The following PLCL1 variants were observed in gnomAD, a reference collection of about 807,000 sequenced individuals.
The protein encoded by PLCL1 is phospholipase C like 1 (inactive), also known as inactive phospholipase C-like protein 1.
In PLCL1, 41 loss-of-function variants were observed where a neutral mutation model predicts 84.4. The observed-to-expected ratio is 0.49, with a 90% CI of 0.38 to 0.63. PLCL1 has a LOEUF of 0.63. PLCL1 is among the 30% of genes least tolerant of loss of function. The pLI is 0.00. For synonymous variants in PLCL1, 490 were observed against 488.3 expected (o/e 1.00, Z -0.05); for missense variants, 1,206 against 1,367.8 (o/e 0.88, Z 1.87).
rs1692828027 is a variant in PLCL1 at position 198,085,008 on chromosome 2, G to A, written c.1491G>A (p.Leu497=). 1.9e-6 allele frequency: 3 copies of A among 1,613,988 alleles called. No homozygotes were observed. The African/African-American group carries it at 4.0e-5, about 22-fold the overall frequency. Residue 497 remains leucine (L), a synonymous_variant, in exon 2 of 6, where the codon TTG becomes TTA. Coordinates refer to ENST00000428675, the MANE Select transcript of PLCL1 (RefSeq NM_006226.4). The surrounding 1 kb of genome is among the most constrained non-coding windows in gnomAD (Gnocchi z 5.3). The stretch of plus-strand genomic sequence containing the variant: ...TTTGCTTGGGAAATCACTGCTCCTT[G>A]CCGCAGCAGAAGGTAATGGCTCAAC... The part of the protein sequence containing the change: ...LILCLGNHCS[L]PQQKVMAQQM...
chr2:197,976,973 C>A (rs569600724), intron 1 of PLCL1, among the ~76,000 whole-genome samples: 1 of 152,282 alleles, frequency 6.6e-6, no homozygotes, highest in South Asian at 2.1e-4. Flanking sequence ...GCCTCACCTG[C>A]CTCTCTACTC....
At chr2:198,046,395 T>C (rs1046258064) in intron 1 of PLCL1, among the ~76,000 whole-genome samples, 1 of 152,328 alleles carries the variant, frequency 6.6e-6, no homozygotes, top group East Asian at 1.9e-4. Flanking sequence ...CCTGGCCGAA[T>C]AGGAACAGCT....
At chr2:197,964,963 C>T (rs1247720726) in intron 1 of PLCL1, among the ~76,000 whole-genome samples, 2 of 151,806 alleles carry the variant, frequency 1.3e-5, no homozygotes, top group Non-Finnish European at 2.9e-5. Flanking sequence ...TTTTAATATG[C>T]TATTGAATCT....
rs114928950 is a variant in PLCL1, at chr2:197,969,318, T to A, written c.241-114440T>A. Among the ~76,000 whole-genome samples the A allele has an allele frequency of 2.9e-3, 445 of 152,248 alleles. 2 individuals are homozygous for A. Among genetic ancestry groups the A allele is most frequent in the Non-Finnish European group, 4.3e-3 (295 of 68,004 alleles). The stretch of plus-strand genomic sequence containing the variant: ...GTTGTAGTGTACATTTTTTATAGGG[T>A]GTGCATAGTGGCAATATGTCCTCTA... On this transcript the variant is annotated intron_variant, in intron 1 of 5. Transcript: ENST00000428675.
At chr2:198,107,286 C>T (rs999052483) in intron 5 of PLCL1, among the ~76,000 whole-genome samples, 9 of 151,808 alleles carry the variant, frequency 5.9e-5, no homozygotes, top group African/African-American at 2.2e-4. Flanking sequence ...TTACCTCCCA[C>T]CAGGTCCCTC....
chr2:197,939,114 G>A (rs964419312), intron 1 of PLCL1, among the ~76,000 whole-genome samples: 5 of 152,108 alleles, frequency 3.3e-5, no homozygotes, highest in Non-Finnish European at 5.9e-5. Flanking sequence ...CTGGGATGAA[G>A]CAATGTTCTC....
intron 1 of PLCL1, among the ~76,000 whole-genome samples, chr2:197,949,010 C>T (rs1302261255): frequency 6.6e-6 from 1 of 152,128 alleles, no homozygotes; most frequent in African/African-American, 2.4e-5. Context: ...TGGGATCTGC[C>T]TTCACAGAAA....
chr2:198,033,922 T>TGG (rs1342145644), intron 1 of PLCL1, among the ~76,000 whole-genome samples: 3 of 151,872 alleles, frequency 2.0e-5, no homozygotes, highest in African/African-American at 7.3e-5. Flanking sequence ...TTTCTGTGTG[T>TGG]GTGTGTCTGT....
chr2:198,014,382 G>C (rs1394035695), intron 1 of PLCL1, among the ~76,000 whole-genome samples: 1 of 151,990 alleles, frequency 6.6e-6, no homozygotes, highest in Non-Finnish European at 1.5e-5. Flanking sequence ...TGTGAGCTTG[G>C]TCAAGTTATT....
intron 1 of PLCL1, among the ~76,000 whole-genome samples, chr2:197,945,556 T>C (rs896286552): frequency 7.9e-5 from 12 of 152,130 alleles, no homozygotes; most frequent in Non-Finnish European, 1.8e-4. Flanking sequence ...GATAACATAG[T>C]GGTGAAGGCA....
intron 5 of PLCL1, among the ~76,000 whole-genome samples, chr2:198,124,178 C>T (rs539096070): frequency 6.6e-6 from 1 of 152,232 alleles, no homozygotes; most frequent in African/African-American, 2.4e-5. Flanking sequence ...CCCTTGGCCA[C>T]ATGACTTGTT....
intron 1 of PLCL1, among the ~76,000 whole-genome samples, chr2:197,933,924 A>G (rs1478684745): frequency 6.6e-6 from 1 of 152,162 alleles, no homozygotes; most frequent in African/African-American, 2.4e-5. Flanking sequence ...GCTTAAAATA[A>G]ACTTCCTGAA....
intron 1 of PLCL1, among the ~76,000 whole-genome samples, chr2:197,858,555 A>G (rs764737788): frequency 4.6e-5 from 7 of 151,926 alleles, no homozygotes; most frequent in Non-Finnish European, 8.8e-5. Flanking sequence ...TCCTATTTTT[A>G]TATTATGTGT....
intron 1 of PLCL1, among the ~76,000 whole-genome samples, chr2:197,958,806 C>T (rs2105787756): frequency 6.6e-6 from 1 of 152,052 alleles, no homozygotes; most frequent in East Asian, 1.9e-4. Flanking sequence ...CTCTCAAGCA[C>T]AGGAGCTATG....
At chr2:197,930,021 G>T (rs2105764327) in intron 1 of PLCL1, among the ~76,000 whole-genome samples, 1 of 152,300 alleles carries the variant, frequency 6.6e-6, no homozygotes, top group Non-Finnish European at 1.5e-5. Flanking sequence ...CCCATGGGGT[G>T]AATCTGCATG....
chr2:197,974,646 G>A (rs1341109787), intron 1 of PLCL1, among the ~76,000 whole-genome samples: 1 of 152,222 alleles, frequency 6.6e-6, no homozygotes, highest in Non-Finnish European at 1.5e-5. Flanking sequence ...TTGCACCACA[G>A]GGCTGCTGAA....
intron 1 of PLCL1, among the ~76,000 whole-genome samples, chr2:197,902,356 C>T (rs528720351): frequency 1.4e-4 from 22 of 152,172 alleles, no homozygotes; most frequent in Non-Finnish European, 2.6e-4. Context: ...GAGTGGTTTC[C>T]GGTCATTCAT....
intron 5 of PLCL1, among the ~76,000 whole-genome samples, chr2:198,108,452 A>G (rs978123229): frequency 1.3e-5 from 2 of 151,896 alleles, no homozygotes; most frequent in Non-Finnish European, 2.9e-5. Flanking sequence ...AGCTGGAAAA[A>G]AATGAGAAAT....
chr2:198,144,552 T>G (rs1694470444), intron 5 of PLCL1, among the ~76,000 whole-genome samples: 1 of 152,194 alleles, frequency 6.6e-6, no homozygotes, highest in Non-Finnish European at 1.5e-5. Flanking sequence ...ATTCCTATAC[T>G]TATGATCATT....
Sources: allele counts gnomAD v4.1 joint callset (sites outside exome capture counted in the v4.1 genomes callset), GRCh38; gene constraint gnomAD v4.1.1; non-coding constraint Gnocchi (gnomAD v3.1); transcripts MANE v1.5; gene names NCBI Gene and HGNC (gene_info 2026-07-23, HGNC 2026-07-21).